Variants in ZMIZ1 observed in about 807,000 individuals in gnomAD.
ZMIZ1 encodes the protein zinc finger MIZ-type containing 1.
In ZMIZ1, 17 loss-of-function variants were observed where a neutral mutation model predicts 113.9. The observed-to-expected ratio is 0.15, with a 90% CI of 0.10 to 0.22. The LOEUF (loss-of-function observed/expected upper bound fraction) is 0.22, where lower values mean the gene tolerates loss of function less well. Ranked by LOEUF, ZMIZ1 falls within the 10% of genes least tolerant of loss-of-function variation. The pLI is 1.00. For missense variants in ZMIZ1, 1,059 were observed against 1,477.8 expected, an observed-to-expected ratio of 0.72 and a Z score of 4.65; for synonymous variants, 607 against 603.1, an observed-to-expected ratio of 1.01 and a Z score of -0.09.
chr10:79,252,606 T>C (rs1183589889), intron 7 of ZMIZ1, among the ~76,000 whole-genome samples: 1 of 152,194 alleles, frequency 6.6e-6, no homozygotes, highest in African/African-American at 2.4e-5. Context: ...GCTTGAGATG[T>C]CCTTCTGCCA....
At chr10:79,187,587 A>T (rs539702908) in intron 4 of ZMIZ1, among the ~76,000 whole-genome samples, 1 of 152,356 alleles carries the variant, frequency 6.6e-6, no homozygotes, top group African/African-American at 2.4e-5. Flanking sequence ...GGTTTGGGGT[A>T]CAGGGAGAAA....
At chr10:79,302,561 AGGT>A (rs36090628) in intron 18 of ZMIZ1, among the ~76,000 whole-genome samples, 54,521 of 151,502 alleles carry the variant, frequency 0.36, 10,370 homozygotes, top group East Asian at 0.47. Flanking sequence ...TTCCTGGAGG[AGGT>A]GATGACCTGG....
At chr10:79,084,521 TGCTGAGGTTCTTATTAATTCAAA>T (rs766434910) in intron 1 of ZMIZ1, among the ~76,000 whole-genome samples, 34 of 152,218 alleles carry the variant, frequency 2.2e-4, no homozygotes, top group Non-Finnish European at 4.3e-4. Flanking sequence ...AAGATGGCCA[TGCTGAGGTTCTTATTAATTCAAA>T]GTCACTTCGG....
intron 5 of ZMIZ1, among the ~76,000 whole-genome samples, chr10:79,205,124 A>G (rs570290619): frequency 6.6e-6 from 1 of 152,336 alleles, no homozygotes; most frequent in Non-Finnish European, 1.5e-5. Context: ...CAGCAGACTC[A>G]ATGGCATTGG....
chr10:79,164,488 G>A (rs1255088276), intron 4 of ZMIZ1, among the ~76,000 whole-genome samples: 1 of 152,068 alleles, frequency 6.6e-6, no homozygotes, highest in East Asian at 1.9e-4. Context: ...GGTGGTACTG[G>A]CTATAGGATA....
At chr10:79,183,362 A>ACG (rs1564704222) in intron 4 of ZMIZ1, among the ~76,000 whole-genome samples, 3 of 83,878 alleles carry the variant, frequency 3.6e-5, no homozygotes, top group African/African-American at 1.9e-4. Flanking sequence ...GCACGCGCAC[A>ACG]CACACACACA....
At chr10:79,154,572 C>CT (rs1333613820) in intron 3 of ZMIZ1, among the ~76,000 whole-genome samples, 1 of 152,228 alleles carries the variant, frequency 6.6e-6, no homozygotes, top group Non-Finnish European at 1.5e-5. Context: ...CTAGGCGCCC[C>CT]TTTAAGCAAG....
At chr10:79,248,566 G>A (rs997230632) in intron 7 of ZMIZ1, among the ~76,000 whole-genome samples, 1 of 152,172 alleles carries the variant, frequency 6.6e-6, no homozygotes, top group African/African-American at 2.4e-5. Flanking sequence ...TCGGCGTCCT[G>A]CTGTGGGAAT....
intron 1 of ZMIZ1, among the ~76,000 whole-genome samples, chr10:79,081,233 T>C (rs1842647850): frequency 6.6e-6 from 1 of 152,206 alleles, no homozygotes; most frequent in Admixed American, 6.5e-5. Flanking sequence ...TCAGAGATTG[T>C]ATCCTCGGAG....
At chr10:79,168,394 T>C (rs1309616960) in intron 4 of ZMIZ1, among the ~76,000 whole-genome samples, 13 of 152,178 alleles carry the variant, frequency 8.5e-5, no homozygotes, top group Admixed American at 5.2e-4. Flanking sequence ...CCCCATGGCC[T>C]TTTTTTGTCT....
chr10:79,238,434 G>C (rs777967829), intron 7 of ZMIZ1, among the ~76,000 whole-genome samples: 1 of 152,190 alleles, frequency 6.6e-6, no homozygotes, highest in Non-Finnish European at 1.5e-5. Context: ...GTCTCACTGT[G>C]CATCGTGTCC....
intron 3 of ZMIZ1, among the ~76,000 whole-genome samples, chr10:79,144,347 A>G (rs531233894): frequency 2.8e-4 from 42 of 152,188 alleles, no homozygotes; most frequent in Admixed American, 5.2e-4. Context: ...ATCCTCTACT[A>G]TCTCCCAGAC....
intron 3 of ZMIZ1, among the ~76,000 whole-genome samples, chr10:79,144,908 G>A (rs773848102): frequency 1.5e-3 from 232 of 152,008 alleles, no homozygotes; most frequent in Non-Finnish European, 3.0e-3. Context: ...CCTCTCTGCT[G>A]TGTGTCTGTC....
intron 5 of ZMIZ1, among the ~76,000 whole-genome samples, chr10:79,203,220 A>C (rs1047581071): frequency 1.1e-4 from 17 of 152,216 alleles, no homozygotes; most frequent in African/African-American, 4.1e-4. Context: ...GTGCCTGCCC[A>C]GTGGAACTGA....
At chr10:79,099,783 C>T (rs1214970256) in intron 1 of ZMIZ1, among the ~76,000 whole-genome samples, 3 of 152,108 alleles carry the variant, frequency 2.0e-5, no homozygotes, top group Non-Finnish European at 4.4e-5. Flanking sequence ...GCCAGAGGAG[C>T]GGGGGCTGGG....
chr10:79,289,631 G>A, intron 8 of ZMIZ1, 144 bp from the exon 9 acceptor site: 1 of 686,028 alleles, frequency 1.5e-6, no homozygotes, highest in Non-Finnish European at 2.5e-6. Context: ...CACTGAGACA[G>A]GCCTGGGGGG....
chr10:79,195,526 TTTGTAGCGAC>T (rs58447417), intron 4 of ZMIZ1, among the ~76,000 whole-genome samples: 8,216 of 152,242 alleles, frequency 0.054, 323 homozygotes, highest in East Asian at 0.18. Context: ...CCACGGAGGA[TTTGTAGCGAC>T]TTGTAAAGGC....
intron 7 of ZMIZ1, among the ~76,000 whole-genome samples, chr10:79,272,934 A>G (rs549931612): frequency 6.6e-6 from 1 of 152,206 alleles, no homozygotes. Flanking sequence ...GAAGGCCCCA[A>G]GGTCCTCGGC....
intron 2 of ZMIZ1, among the ~76,000 whole-genome samples, chr10:79,120,819 C>G (rs113698865): frequency 2.1e-3 from 327 of 152,318 alleles, no homozygotes; most frequent in African/African-American, 7.5e-3. Context: ...TGGGTACTCT[C>G]TGAATCATGG....
Sources: allele counts gnomAD v4.1 joint callset (sites outside exome capture counted in the v4.1 genomes callset), GRCh38; gene constraint gnomAD v4.1.1; transcripts MANE v1.5; gene names NCBI Gene and HGNC (gene_info 2026-07-23, HGNC 2026-07-21).